Variants in SPDYE16 observed in about 807,000 individuals in gnomAD.
SPDYE16 encodes speedy protein E16.
A neutral mutation model predicts 40.1 loss-of-function variants in SPDYE16; 5 were observed. The ratio of observed to expected loss-of-function variants is 0.12; its 90% CI spans 0.07 to 0.26. The LOEUF (loss-of-function observed/expected upper bound fraction) is 0.26. SPDYE16 is among the 10% of genes least tolerant of loss of function. The pLI is 1.00. For synonymous variants in SPDYE16, 40 were observed against 154.2 expected (o/e 0.26, Z 5.49); for missense variants, 98 against 409.8 (o/e 0.24, Z 6.57).
At position 76,541,443 on chromosome 7, in the gene SPDYE16, G is replaced by T. The variant is rs1470503078; in HGVS notation, c.17C>A (p.Thr6Asn). The change falls in exon 2 of 9, where the codon ACT becomes AAT. Residue 6 changes from threonine (T) to asparagine (N), a missense_variant. Transcript: ENST00000633306. MDRTE[T>N]RFRKRGQIKG... Reference sequence around the variant, plus strand: ...AATCTGTCCCCTCTTACGGAACCTAGTCTCCGTTCTGTCCATGGCCTTCTT... The same window carrying T: ...AATCTGTCCCCTCTTACGGAACCTATTCTCCGTTCTGTCCATGGCCTTCTT... 3 of 1,534,510 alleles carry T rather than the reference G, an allele frequency of 2.0e-6. No individual in the cohort carries two copies. In the African/African-American group the frequency reaches 4.1e-5, roughly 21 times the overall value.
intron 2 of SPDYE16, among the ~76,000 whole-genome samples, chr7:76,540,998 A>C (rs1584289356): frequency 8.5e-6 from 1 of 117,272 alleles, no homozygotes. Context: ...TTTGGAGTGC[A>C]GTAGCGTGAT....
rs1293693581 is a variant in SPDYE16 at position 76,536,433 on chromosome 7, C to T, written c.670-176G>A. Among the ~76,000 whole-genome samples the T allele has an allele frequency of 1.8e-4, 13 of 72,410 alleles. 5 individuals carry two copies. The highest frequency in any genetic ancestry group is 3.2e-4 in the Non-Finnish European group (12 of 36,984). The allele number at this position is 72,410 out of a possible 152,430, so 47.5% of individuals were successfully genotyped here. ...TGGAGGGGTATTCGAAGGTCAGATG[C>T]AAATCCGAGAAGCCAGAGGAAGGGT... On this transcript the variant is annotated intron_variant, in intron 5 of 8. Coordinates refer to ENST00000633306, the MANE Select transcript of SPDYE16 (RefSeq NM_001394943.1).
At chr7:76,540,974 CTTTTTTTTTTT>C in intron 2 of SPDYE16, among the ~76,000 whole-genome samples, 1 of 113,432 alleles carries the variant, frequency 8.8e-6, no homozygotes, top group East Asian at 2.9e-4. Context: ...CTTTTCTTTT[CTTTTTTTTTTT>C]TTTTTGGAGT....
chr7:76,536,536 G>A (rs2116714651), intron 5 of SPDYE16, among the ~76,000 whole-genome samples: 1 of 99,638 alleles, frequency 1.0e-5, no homozygotes, highest in South Asian at 3.1e-4. Context: ...GGTGTCAGGA[G>A]GGTCTTTTGT....
At position 76,539,067 on chromosome 7, in the gene SPDYE16, CT is replaced by C. The variant is rs1179456186; in HGVS notation, c.380-252del. 0.026 allele frequency among the ~76,000 whole-genome samples: 1,486 copies of C among 56,610 alleles called. 251 individuals carry two copies. In the East Asian group the frequency reaches 0.29, roughly 11 times the overall value. The allele number at this position is 56,610 out of a possible 152,430, so 37.1% of individuals were successfully genotyped here. Reference sequence around the variant, plus strand: ...CTGGTCCCTGGCTCTCTGAGTCTCTCTTTTTTTTTTTTTTTTGTTGTTGTTG... The same window carrying C: ...CTGGTCCCTGGCTCTCTGAGTCTCTCTTTTTTTTTTTTTTTGTTGTTGTTG... On this transcript the variant is annotated intron_variant, in intron 3 of 8. Transcript: ENST00000633306.
At chr7:76,536,028 T>C in intron 6 of SPDYE16, 144 bp downstream of exon 6, 1 of 308,336 alleles carries the variant, frequency 3.2e-6, no homozygotes, top group Admixed American at 4.9e-5. Context: ...GAAACAACAG[T>C]CTATGATAGT....
At chr7:76,538,113 C>T (rs369241164) in intron 4 of SPDYE16, among the ~76,000 whole-genome samples, 1 of 94,544 alleles carries the variant, frequency 1.1e-5, no homozygotes, top group Non-Finnish European at 2.2e-5. Context: ...GATCTTGGCT[C>T]GCTGCAACCT....
intron 3 of SPDYE16, among the ~76,000 whole-genome samples, chr7:76,539,034 A>G (rs1813101885): frequency 1.6e-5 from 1 of 62,788 alleles, no homozygotes; most frequent in East Asian, 3.6e-4. Context: ...ACTTCCTCAT[A>G]TCCTTCCCTG....
At chr7:76,542,015 GATTATC>G (rs1461042252) in intron 1 of SPDYE16, among the ~76,000 whole-genome samples, 135 bp from the exon 2 acceptor site, 17 of 143,628 alleles carry the variant, frequency 1.2e-4, no homozygotes, top group Non-Finnish European at 2.1e-4. Flanking sequence ...ACAAGAGTGA[GATTATC>G]ATGTACAAGA....
At chr7:76,538,393 C>T (rs1440313232) in intron 4 of SPDYE16, among the ~76,000 whole-genome samples, 193 bp downstream of exon 4, 1 of 146,532 alleles carries the variant, frequency 6.8e-6, no homozygotes, top group Non-Finnish European at 1.5e-5. Context: ...ATCCCAAGTT[C>T]TGACCTTTAT....
chr7:76,538,976 G>A lies in SPDYE16; in HGVS notation c.380-160C>T, dbSNP rs2116720168. 2.6e-5 allele frequency among the ~76,000 whole-genome samples: 2 copies of A among 77,348 alleles called. 1 individual carries two copies. The highest frequency in any genetic ancestry group is 5.0e-5 in the Non-Finnish European group (2 of 40,204). 50.7% of individuals were successfully genotyped at this position (77,348 alleles called of 152,430 possible). ...GTCTGTCTCCTCTGCTGAGCTCCAT[G>A]TGCCGCTCCTTCTCCTCCCCATTCT... On this transcript the variant is annotated intron_variant, in intron 3 of 8. Coordinates refer to ENST00000633306, the MANE Select transcript of SPDYE16 (RefSeq NM_001394943.1).
Position 76,541,505 on chromosome 7 carries a change from A to G in SPDYE16, c.-46T>C. On this transcript the variant is annotated 5_prime_UTR_variant, in exon 2 of 9. Transcript: ENST00000633306. ...TAGGATCCAGAAGAGTATGTTATCA[A>G]TTCTCAAGCCTAGGAGAAGTCAGGA... 6.5e-7 allele frequency: 1 copy of G among 1,532,774 alleles called. No homozygotes were observed. 94.9% of individuals were successfully genotyped at this position (1,532,774 alleles called of 1,614,324 possible). A position where few individuals can be genotyped will look rare whatever the true frequency, so the allele number is the denominator to read the frequency against.
rs1054290 is a variant in SPDYE16 at position 76,531,703 on chromosome 7, C to T, written c.*1137G>A. 8 of 80,562 alleles carry T rather than the reference C, an allele frequency of 9.9e-5. 3 individuals are homozygous for T. The highest frequency in any genetic ancestry group is 4.8e-4 in the African/African-American group (7 of 14,478). 5.0% of individuals were successfully genotyped at this position (80,562 alleles called of 1,614,324 possible). ...TCTTAAAAAGGAAAGCAAAATTATA[C>T]GTATGTGTATATAACAGTTATAACA... is the stretch of plus-strand genomic sequence containing the variant. On this transcript the variant is annotated 3_prime_UTR_variant, in exon 9 of 9. Coordinates refer to ENST00000633306, the MANE Select transcript of SPDYE16 (RefSeq NM_001394943.1).
intron 8 of SPDYE16, chr7:76,533,314 C>G (rs1416563329): frequency 1.5e-6 from 1 of 658,958 alleles, no homozygotes; most frequent in African/African-American, 3.8e-5. Context: ...ATCGGTAACT[C>G]AAGTGCGTCA....
Position 76,533,181 on chromosome 7 carries a change from A to G in SPDYE16, c.*46-387T>C, listed in dbSNP as rs527973. ...TGTGTTTCTAATGTGACAACATCAC[A>G]AACCACGAGTCCAGAAGCCTAATCC... is the stretch of plus-strand genomic sequence containing the variant. On this transcript the variant is annotated intron_variant, in intron 8 of 8. Transcript: ENST00000633306. 2,714 of 595,988 alleles carry G rather than the reference A, an allele frequency of 4.6e-3. 144 individuals carry two copies. The African/African-American group carries it at 0.082, about 18-fold the overall frequency. 36.9% of individuals were successfully genotyped at this position (595,988 alleles called of 1,614,324 possible).
chr7:76,531,374 CT>C lies in SPDYE16; in HGVS notation c.*1465del, dbSNP rs1389283218. 2 of 130,626 alleles carry C rather than the reference CT, an allele frequency of 1.5e-5. No individual in the cohort carries two copies. Among genetic ancestry groups the C allele is most frequent in the African/African-American group, 6.3e-5 (2 of 31,950 alleles). 8.1% of individuals were successfully genotyped at this position (130,626 alleles called of 1,614,324 possible). Reference sequence around the variant, plus strand: ...ATTATGTTTCCCCAAGAGACGCACTCTATTGTTCTCTTGAAAACACACAGCT... The same window carrying C: ...ATTATGTTTCCCCAAGAGACGCACTCATTGTTCTCTTGAAAACACACAGCT... On this transcript the variant is annotated 3_prime_UTR_variant, in exon 9 of 9. Transcript: ENST00000633306.
Position 76,541,778 on chromosome 7 carries a change from T to G in SPDYE16, c.-319A>C, listed in dbSNP as rs1343710756. 1.4e-5 allele frequency among the ~76,000 whole-genome samples: 2 copies of G among 139,220 alleles called. No individual in the cohort carries two copies. The highest frequency in any genetic ancestry group is 7.2e-5 in the Admixed American group (1 of 13,832). 91.3% of individuals were successfully genotyped at this position (139,220 alleles called of 152,430 possible). ...CAAAAGCATCTTCGGGGACTCCACA[T>G]CCCTCTGTTCCCTGTCCCAGCAGAG... On this transcript the variant is annotated 5_prime_UTR_variant, in exon 2 of 9. It removes an upstream start codon present in the reference 5' UTR. Transcript: ENST00000633306.
chr7:76,541,554 A>G lies in SPDYE16; in HGVS notation c.-95T>C, dbSNP rs1404396710. The stretch of plus-strand genomic sequence containing the variant: ...GAGTGGAGAACAGCTCTGAGAAGAT[A>G]CTGTTGTCCAACTGATCTCCAGGCA... On this transcript the variant is annotated 5_prime_UTR_variant, in exon 2 of 9. Coordinates refer to ENST00000633306, the MANE Select transcript of SPDYE16 (RefSeq NM_001394943.1). 3 of 1,511,270 alleles carry G rather than the reference A, an allele frequency of 2.0e-6. No individual in the cohort carries two copies. In the East Asian group the frequency reaches 7.4e-5, roughly 37 times the overall value. The allele number at this position is 1,511,270 out of a possible 1,614,324, so 93.6% of individuals were successfully genotyped here.
rs1356965803 is a variant in SPDYE16, at chr7:76,541,886, G to A, written c.-421-6C>T. Among the ~76,000 whole-genome samples, 3 of 110,476 alleles carry A rather than the reference G, an allele frequency of 2.7e-5. No individual in the cohort carries two copies. The East Asian group carries it at 8.2e-4, about 30-fold the overall frequency. The allele number at this position is 110,476 out of a possible 152,430, so 72.5% of individuals were successfully genotyped here. ...TGCCCATTTCAGAGTCCAGGCTGGTGGGAGAGGAAACAGAGTGGGAAAGAA... is the reference window on the plus strand; with the variant it reads ...TGCCCATTTCAGAGTCCAGGCTGGTAGGAGAGGAAACAGAGTGGGAAAGAA... On this transcript the variant is annotated splice_region_variant and splice_polypyrimidine_tract_variant and intron_variant, in intron 1 of 8. Transcript: ENST00000633306.
Sources: gnomAD v4.1 joint callset for allele counts (sites outside exome capture counted in the v4.1 genomes callset) on GRCh38, gnomAD v4.1.1 for gene constraint, MANE v1.5 for transcripts, NCBI Gene and HGNC (gene_info 2026-07-23, HGNC 2026-07-21) for gene names.